The following SNX30 variants were observed in gnomAD, a reference collection of about 807,000 sequenced individuals.
The protein encoded by SNX30 is sorting nexin-30.
In SNX30, 24 loss-of-function variants were observed where a neutral mutation model predicts 46.4. The observed-to-expected ratio is 0.52, with a 90% CI of 0.37 to 0.73. The LOEUF (loss-of-function observed/expected upper bound fraction) is 0.73. SNX30 is among the 30% of genes least tolerant of loss of function. The pLI, the probability that SNX30 is intolerant of heterozygous loss-of-function variation, is 0.00. For synonymous variants in SNX30, 189 were observed against 211.5 expected (o/e 0.89, Z 0.92); for missense variants, 533 against 555.7 (o/e 0.96, Z 0.41).
At chr9:112,793,797 G>GTT (rs200559435) in intron 1 of SNX30, among the ~76,000 whole-genome samples, 4,913 of 136,220 alleles carry the variant, frequency 0.036, 121 homozygotes, top group Non-Finnish European at 0.055. Flanking sequence ...TACCTCCACT[G>GTT]TTTTTTGTTT....
intron 2 of SNX30, among the ~76,000 whole-genome samples, chr9:112,808,710 T>A (rs1319897765): frequency 2.9e-5 from 1 of 34,482 alleles, no homozygotes; most frequent in Non-Finnish European, 8.1e-5. Context: ...TACTACTTCA[T>A]CCAGTTTTAC....
intron 1 of SNX30, among the ~76,000 whole-genome samples, chr9:112,772,388 C>A (rs1279024581): frequency 6.6e-6 from 1 of 152,150 alleles, no homozygotes; most frequent in South Asian, 2.1e-4. Flanking sequence ...GGAGACCTGG[C>A]ACATTATTTT....
Position 112,791,123 on chromosome 9 carries a change from G to T in SNX30, c.157-13653G>T, listed in dbSNP as rs551265464. Among the ~76,000 whole-genome samples the T allele has an allele frequency of 7.9e-5, 12 of 152,138 alleles. No homozygotes were observed. In the South Asian group the frequency reaches 2.5e-3, roughly 32 times the overall value. On this transcript the variant is annotated intron_variant, in intron 1 of 8. Transcript: ENST00000374232. ...ATATAATTGAGTGTATATTCACAGG[G>T]TTGTGCAACCATCATCGCTATCTAA...
intron 1 of SNX30, among the ~76,000 whole-genome samples, chr9:112,781,611 T>A (rs919124009): frequency 1.3e-5 from 2 of 152,170 alleles, no homozygotes; most frequent in Admixed American, 6.5e-5. Flanking sequence ...GAATGCTTTT[T>A]TATTGTCTTG....
chr9:112,882,334 T>C (rs1453477522), downstream of SNX30, among the ~76,000 whole-genome samples: 5 of 152,172 alleles, frequency 3.3e-5, no homozygotes, highest in East Asian at 9.6e-4. Flanking sequence ...CTCAAGCTTC[T>C]AAGCTCAAGC....
chr9:112,765,987 A>G lies in SNX30; in HGVS notation c.156+14830A>G, dbSNP rs554216220. Among the ~76,000 whole-genome samples the G allele has an allele frequency of 2.6e-5, 4 of 152,222 alleles. No individual in the cohort carries two copies. The East Asian group carries it at 7.7e-4, about 29-fold the overall frequency. On this transcript the variant is annotated intron_variant, in intron 1 of 8. Transcript: ENST00000374232. ...TCTGGCTGATTTTTGTATTTTTAGT[A>G]GAGATGGGGTTTCACCATGTTAGCT...
In SNX30 at chr9:112,798,108, T is replaced by C. The variant is rs567515684; in HGVS notation, c.157-6668T>C. On this transcript the variant is annotated intron_variant, in intron 1 of 8. Coordinates refer to ENST00000374232, the MANE Select transcript of SNX30 (RefSeq NM_001012994.2). ...AGGGAGCTTTCCTTGTTGAGGTTTG[T>C]TTTTTTTTTTTTCTTTTTTTTTTTT... Among the ~76,000 whole-genome samples the C allele has an allele frequency of 6.4e-4, 64 of 99,396 alleles. 1 individual carries two copies. In the South Asian group the frequency reaches 0.023, roughly 36 times the overall value. The allele number at this position is 99,396 out of a possible 152,430, so 65.2% of individuals were successfully genotyped here.
At chr9:112,883,386 C>T (rs893042377), downstream of SNX30, among the ~76,000 whole-genome samples, 4 of 152,124 alleles carry the variant, frequency 2.6e-5, no homozygotes, top group Non-Finnish European at 1.5e-5. Context: ...AGTCTGGCTT[C>T]CTTCAAATCC....
intron 6 of SNX30, among the ~76,000 whole-genome samples, chr9:112,842,622 A>C (rs967274887): frequency 1.3e-5 from 2 of 152,228 alleles, no homozygotes; most frequent in Non-Finnish European, 2.9e-5. Context: ...CCACAGGACT[A>C]TACTCCTTAG....
intron 4 of SNX30, among the ~76,000 whole-genome samples, chr9:112,832,459 A>AGG (rs1564284656): frequency 9.0e-6 from 1 of 111,246 alleles, no homozygotes; most frequent in South Asian, 3.0e-4. Context: ...AGAGAGAGAG[A>AGG]GTGTGTGTGT....
At chr9:112,751,313 C>T (rs1035790434) in intron 1 of SNX30, among the ~76,000 whole-genome samples, 156 bp downstream of exon 1, 2 of 152,214 alleles carry the variant, frequency 1.3e-5, no homozygotes, top group Non-Finnish European at 2.9e-5. Context: ...GGCGAAGCGT[C>T]TCCTCTGCCG....
At chr9:112,881,100 T>C (rs900577484) in intron 5 of SNX30, among the ~76,000 whole-genome samples, 52 of 152,224 alleles carry the variant, frequency 3.4e-4, no homozygotes, top group African/African-American at 1.2e-3. Context: ...TTACATTGTT[T>C]AAAATTATCT....
chr9:112,874,889 G>A lies in SNX30; in HGVS notation c.*6046G>A, dbSNP rs916052670. On this transcript the variant is annotated 3_prime_UTR_variant, in exon 9 of 9. Transcript: ENST00000374232. Reference sequence around the variant, plus strand: ...GTATTACATTTTGAGGTAAACAAAAGAATTTGTATTGCTTGATAAATATTA... The same window carrying A: ...GTATTACATTTTGAGGTAAACAAAAAAATTTGTATTGCTTGATAAATATTA... The A allele has an allele frequency of 2.0e-5, 3 of 152,052 alleles. No homozygotes were observed. Among genetic ancestry groups the A allele is most frequent in the Non-Finnish European group, 4.4e-5 (3 of 67,996 alleles). 9.4% of individuals were successfully genotyped at this position (152,052 alleles called of 1,614,324 possible). A position where few individuals can be genotyped will look rare whatever the true frequency, so the allele number is the denominator to read the frequency against.
chr9:112,754,685 C>T (rs1000745463), intron 1 of SNX30, among the ~76,000 whole-genome samples: 46 of 152,148 alleles, frequency 3.0e-4, no homozygotes, highest in Non-Finnish European at 3.7e-4. Context: ...GGATTACAGG[C>T]GTGAGCCTCA....
intron 4 of SNX30, among the ~76,000 whole-genome samples, chr9:112,835,985 G>A (rs554756875): frequency 3.1e-4 from 47 of 152,282 alleles, no homozygotes; most frequent in African/African-American, 9.1e-4. Flanking sequence ...AAGGATTGGC[G>A]TTCAGCTCTG....
At chr9:112,879,250 A>T (rs1158526586), downstream of SNX30, 1 of 152,616 alleles carries the variant, frequency 6.6e-6, no homozygotes, top group Admixed American at 6.5e-5. Flanking sequence ...AATTTAAAAG[A>T]CATTGTTCGT....
intron 1 of SNX30, among the ~76,000 whole-genome samples, chr9:112,789,207 G>A (rs1037337347): frequency 6.6e-6 from 1 of 152,152 alleles, no homozygotes; most frequent in Non-Finnish European, 1.5e-5. Context: ...CCTCCAGGTG[G>A]CATGCACATC....
At chr9:112,751,325 C>T (rs1217775817) in intron 1 of SNX30, among the ~76,000 whole-genome samples, 168 bp downstream of exon 1, 1 of 152,196 alleles carries the variant, frequency 6.6e-6, no homozygotes, top group Non-Finnish European at 1.5e-5. Context: ...CCTCTGCCGC[C>T]TCCGCGGGGT....
intron 3 of SNX30, among the ~76,000 whole-genome samples, chr9:112,829,829 C>T (rs1040134284): frequency 6.6e-6 from 1 of 151,796 alleles, no homozygotes. Flanking sequence ...AATGGCGTAT[C>T]ATGATGGTTT....
Sources: gnomAD v4.1 joint callset for allele counts (sites outside exome capture counted in the v4.1 genomes callset) on GRCh38, gnomAD v4.1.1 for gene constraint, MANE v1.5 for transcripts, NCBI Gene and HGNC (gene_info 2026-07-23, HGNC 2026-07-21) for gene names.